ZNF490: variants seen among roughly 807,000 people sequenced by gnomAD.
ZNF490 encodes the protein zinc finger protein 490.
Under a neutral mutation model 17.7 loss-of-function variants are expected in ZNF490, and 11 were observed. The observed-to-expected ratio is 0.62, with a 90% confidence interval of 0.39 to 1.03. The LOEUF is 1.03. Among genes scored for constraint, ZNF490 ranks in the 50% least tolerant of loss-of-function variants. The pLI is 0.00. For synonymous variants in ZNF490, 222 were observed against 216.1 expected (o/e 1.03, Z -0.24); for missense variants, 542 against 643.4 (o/e 0.84, Z 1.71).
At chr19:12,606,124 C>T (rs2023066041) in intron 2 of ZNF490, among the ~76,000 whole-genome samples, 1 of 152,032 alleles carries the variant, frequency 6.6e-6, no homozygotes, top group Admixed American at 6.6e-5. Flanking sequence ...AGGTGATCCA[C>T]CCACCTCGGC....
Position 12,580,128 on chromosome 19 carries a change from AC to A in ZNF490, c.*356del. 1 of 1,013,474 alleles carries A rather than the reference AC, an allele frequency of 9.9e-7. No individual in the cohort carries two copies. Among genetic ancestry groups the A allele is most frequent in the South Asian group, 4.6e-5 (1 of 21,926 alleles). The allele number at this position is 1,013,474 out of a possible 1,614,324, so 62.8% of individuals were successfully genotyped here. ...ATCTCAACAAAAACAAAAACAAAAAACAAACCCCACAAAAGATGGGATGGAT... is the reference window on the plus strand; with the variant it reads ...ATCTCAACAAAAACAAAAACAAAAAAAAACCCCACAAAAGATGGGATGGAT... On this transcript the variant is annotated 3_prime_UTR_variant, in exon 5 of 5. Transcript: ENST00000311437.
chr19:12,584,451 C>A (rs1184862164), intron 2 of ZNF490, among the ~76,000 whole-genome samples: 1 of 94,556 alleles, frequency 1.1e-5, no homozygotes, highest in South Asian at 2.8e-4. Flanking sequence ...CCACCGCGCC[C>A]GGCCACCTTA....
intron 2 of ZNF490, among the ~76,000 whole-genome samples, chr19:12,599,225 G>A (rs946180190): frequency 1.3e-5 from 2 of 150,600 alleles, no homozygotes; most frequent in African/African-American, 4.9e-5. Context: ...AAGTATTTTT[G>A]GTTAAAAAAA....
intron 1 of ZNF490, chr19:12,609,839 C>T (rs1236894832): frequency 7.1e-6 from 3 of 422,956 alleles, no homozygotes; most frequent in Admixed American, 2.9e-5. Context: ...ATAGGTTGGA[C>T]AGAGAGGGGG....
At chr19:12,596,763 C>A (rs959664875) in intron 2 of ZNF490, among the ~76,000 whole-genome samples, 2 of 152,312 alleles carry the variant, frequency 1.3e-5, no homozygotes, top group African/African-American at 4.8e-5. Context: ...GGAACGAACT[C>A]TGGGAGCTCC....
At chr19:12,609,124 G>A (rs2023109970) in intron 2 of ZNF490, 34 bp downstream of exon 2, 2 of 1,611,294 alleles carry the variant, frequency 1.2e-6, no homozygotes, top group Middle Eastern at 1.7e-4. Flanking sequence ...AAACAAGGAA[G>A]GTAGCCACGC....
In ZNF490 at chr19:12,576,512, CAACA is replaced by C. The variant is rs988826464; in HGVS notation, c.*3969_*3972del. On this transcript the variant is annotated 3_prime_UTR_variant, in exon 5 of 5. Transcript: ENST00000311437. ...AGAGCGAGACTGTGTCTCAAAAAAACAACAAACAAACAAAATAACCAGCCAGGCA... is the reference window on the plus strand; with the variant it reads ...AGAGCGAGACTGTGTCTCAAAAAAACAACAAACAAAATAACCAGCCAGGCA... Among the ~76,000 whole-genome samples the C allele has an allele frequency of 1.6e-4, 24 of 150,280 alleles. 1 individual carries two copies. The highest frequency in any genetic ancestry group is 4.2e-4 in the African/African-American group (17 of 40,864).
At chr19:12,586,659 G>A (rs2022809336) in intron 2 of ZNF490, among the ~76,000 whole-genome samples, 1 of 94,282 alleles carries the variant, frequency 1.1e-5, no homozygotes, top group Non-Finnish European at 2.9e-5. Context: ...AAGAGATGCT[G>A]GAATTATCAG....
chr19:12,583,320 C>T (rs371206378), intron 3 of ZNF490, 110 bp downstream of exon 3: 66 of 1,313,516 alleles, frequency 5.0e-5, no homozygotes, highest in South Asian at 7.8e-5. Flanking sequence ...ATTACAGGCG[C>T]GAGCCACCGT....
At position 12,581,635 on chromosome 19, in the gene ZNF490, A is replaced by C; in HGVS notation, c.440T>G (p.Leu147Arg). ...TGGTTTTAATCCAGTAGGAGTTTCC[A>C]GGTTCGTATTAAGATCAGGAATCTG... ...TSQIPDLNTN[L>R]ETPTGLKPCD... is the part of the protein sequence containing the mutation. The change falls in exon 5 of 5, where the codon CTG becomes CGG. Residue 147 changes from leucine (L) to arginine (R), a missense_variant. By Grantham distance (102) the Leu-to-Arg change is moderately radical (BLOSUM62 -2). Coordinates refer to ENST00000311437, the MANE Select transcript of ZNF490 (RefSeq NM_020714.3). The C allele has an allele frequency of 6.2e-7, 1 of 1,614,166 alleles. No homozygotes were observed. The highest frequency in any genetic ancestry group is 1.1e-5 in the South Asian group (1 of 91,086).
At chr19:12,598,250 CTA>C (rs74180083) in intron 2 of ZNF490, among the ~76,000 whole-genome samples, 77,620 of 151,468 alleles carry the variant, frequency 0.51, 22,630 homozygotes, top group Non-Finnish European at 0.68. Context: ...AAAAAAATAG[CTA>C]TTGCAACAGA....
At chr19:12,601,854 C>T (rs796264235) in intron 2 of ZNF490, among the ~76,000 whole-genome samples, 18 of 151,728 alleles carry the variant, frequency 1.2e-4, no homozygotes, top group African/African-American at 4.4e-4. Context: ...ATTAGCCGGG[C>T]TTGGTGGCAG....
intron 2 of ZNF490, 147 bp from the exon 3 acceptor site, chr19:12,583,703 A>C: frequency 1.6e-6 from 1 of 625,994 alleles, no homozygotes; most frequent in Non-Finnish European, 2.4e-6. Context: ...GACTCTTTCC[A>C]TACTCACTTC....
chr19:12,582,556 G>A (rs1304099480), intron 4 of ZNF490, among the ~76,000 whole-genome samples: 6 of 151,918 alleles, frequency 3.9e-5, no homozygotes, highest in South Asian at 2.1e-4. Context: ...CACCACGCCC[G>A]GCTAATTTTT....
In ZNF490 at chr19:12,580,359, A is replaced by C; in HGVS notation, c.*126T>G. On this transcript the variant is annotated 3_prime_UTR_variant, in exon 5 of 5. Transcript: ENST00000311437. Reference sequence around the variant, plus strand: ...ATTGCCGCATGAGTCACGTCTTCAAAGGGAATTAGGACAACTGAAGGCTTA... The same window carrying C: ...ATTGCCGCATGAGTCACGTCTTCAACGGGAATTAGGACAACTGAAGGCTTA... 6.8e-7 allele frequency: 1 copy of C among 1,466,728 alleles called. No individual in the cohort carries two copies. The allele number at this position is 1,466,728 out of a possible 1,614,324, so 90.9% of individuals were successfully genotyped here. A position where few individuals can be genotyped will look rare whatever the true frequency, so the allele number is the denominator to read the frequency against.
At chr19:12,598,862 C>A (rs1042827583) in intron 2 of ZNF490, among the ~76,000 whole-genome samples, 1 of 151,532 alleles carries the variant, frequency 6.6e-6, no homozygotes, top group Non-Finnish European at 1.5e-5. Context: ...TGGCGCGCAC[C>A]TGTAGTCCCA....
Position 12,609,188 on chromosome 19 carries a change from T to C in ZNF490, c.132A>G (p.Glu44=), listed in dbSNP as rs2023112276. 2 of 1,614,132 alleles carry C rather than the reference T, an allele frequency of 1.2e-6. No homozygotes were observed. Among genetic ancestry groups the C allele is most frequent in the Non-Finnish European group, 8.5e-7 (1 of 1,180,016 alleles). The change falls in exon 2 of 5, where the codon GAA becomes GAG. Residue 44 remains glutamate, a synonymous_variant. Transcript: ENST00000311437. ...GSDVLQMQNS[E]HHGQSIKTQT... ...GAGTCTTGATGCTTTGTCCATGGTGTTCACTGTTCTGCATCTAATTAGAAA... is the reference window on the plus strand; with the variant it reads ...GAGTCTTGATGCTTTGTCCATGGTGCTCACTGTTCTGCATCTAATTAGAAA...
rs2022630758 is a variant in ZNF490, at chr19:12,576,145, A to G, written c.*4340T>C. 6.6e-6 allele frequency among the ~76,000 whole-genome samples: 1 copy of G among 152,174 alleles called. No homozygotes were observed. The highest frequency in any genetic ancestry group is 2.1e-4 in the South Asian group (1 of 4,834). On this transcript the variant is annotated 3_prime_UTR_variant, in exon 5 of 5. Coordinates refer to ENST00000311437, the MANE Select transcript of ZNF490 (RefSeq NM_020714.3). ...TTTTTAATATCTAATATCAGAAACA[A>G]GGATATTTGCTCTCACCAGCTCCAT...
At chr19:12,592,155 G>A (rs2022880875) in intron 2 of ZNF490, among the ~76,000 whole-genome samples, 2 of 152,152 alleles carry the variant, frequency 1.3e-5, no homozygotes, top group African/African-American at 4.8e-5. Flanking sequence ...GGCCAACATG[G>A]TGAAATCCTG....
Sources: allele counts gnomAD v4.1 joint callset (sites outside exome capture counted in the v4.1 genomes callset), GRCh38; gene constraint gnomAD v4.1.1; transcripts MANE v1.5; gene names NCBI Gene and HGNC (gene_info 2026-07-23, HGNC 2026-07-21).